Variants in CXCL3 observed in about 807,000 individuals in gnomAD.
CXCL3 encodes C-X-C motif chemokine ligand 3.
In CXCL3, 10 loss-of-function variants were observed where a neutral mutation model predicts 11.5. The ratio of observed to expected loss-of-function variants is 0.87; its 90% CI spans 0.54 to 1.48. The LOEUF is 1.48. Among genes scored for constraint, CXCL3 ranks in the 40% most tolerant of loss-of-function variants. The pLI is 0.00. For missense variants in CXCL3, 149 were observed against 139.1 expected (o/e 1.07, Z -0.36); for synonymous variants, 61 against 60.9 (o/e 1.00, Z -0.01).
Position 74,038,404 on chromosome 4 carries a change from A to G in CXCL3, c.110T>C (p.Val37Ala), listed in dbSNP as rs764966050. The change falls in exon 2 of 4, where the codon GTG (valine) becomes GCG (alanine). Residue 37 changes from valine (V) to alanine (A), a missense_variant. Physicochemically the swap from Val to Ala is moderately conservative, Grantham distance 64. Transcript: ENST00000296026. Reference protein sequence around the residue: ...AASRRAAGASVVTELRCQCLQ... With the variant: ...AASRRAAGASAVTELRCQCLQ... Reference sequence around the variant, plus strand: ...GCACTGGCAGCGCAGTTCAGTGACCACGGACGCTCCTAGGGAAGAATAGAC... The same window carrying G: ...GCACTGGCAGCGCAGTTCAGTGACCGCGGACGCTCCTAGGGAAGAATAGAC... 1.1e-5 allele frequency: 17 copies of G among 1,614,032 alleles called. No homozygotes were observed. The highest frequency in any genetic ancestry group is 1.4e-5 in the Non-Finnish European group (16 of 1,179,934).
At position 74,038,315 on chromosome 4, in the gene CXCL3, G is replaced by A; in HGVS notation, c.199C>T (p.Pro67Ser). The A allele has an allele frequency of 1.9e-6, 3 of 1,614,084 alleles. No homozygotes were observed. The highest frequency in any genetic ancestry group is 2.5e-6 in the Non-Finnish European group (3 of 1,179,976). The part of the protein sequence containing the change: ...IQSVNVRSPG[P>S]HCAQTEVIAT... ...ATGACTTCGGTTTGGGCGCAGTGGG[G>A]TCCGGGGGACCTTACATTCACACTT... is the stretch of plus-strand genomic sequence containing the variant. Residue 67 changes from proline to serine, a missense_variant, in exon 2 of 4, where the codon CCC becomes TCC. Transcript: ENST00000296026.
chr4:74,036,916 G>C lies in CXCL3; in HGVS notation c.*346C>G. ...CCCCCACCCTCCAGTTCCCCACCCT[G>C]TCATTTATCAAGGTGGCTGACACAT... On this transcript the variant is annotated 3_prime_UTR_variant, in exon 4 of 4. Transcript: ENST00000296026. 4.9e-6 allele frequency: 1 copy of C among 203,686 alleles called. No individual in the cohort carries two copies. 12.6% of individuals were successfully genotyped at this position (203,686 alleles called of 1,614,324 possible).
chr4:74,037,342 T>C, intron 3 of CXCL3, 65 bp from the exon 4 acceptor site: 1 of 1,603,518 alleles, frequency 6.2e-7, no homozygotes, highest in Non-Finnish European at 8.5e-7. Flanking sequence ...CACTCTGAAG[T>C]TGCTTGGAGG....
rs1304159349 is a variant in CXCL3 at position 74,037,579 on chromosome 4, G to T, written c.309-302C>A. ...GTCCATTCATGATCTCCCTTAAGCT[G>T]CACACAACCCTATGAAATAACTACC... is the stretch of plus-strand genomic sequence containing the variant. On this transcript the variant is annotated intron_variant, in intron 3 of 3. Coordinates refer to ENST00000296026, the MANE Select transcript of CXCL3 (RefSeq NM_002090.3). The T allele has an allele frequency of 1.5e-5, 6 of 391,176 alleles. No homozygotes were observed. The East Asian group carries it at 3.0e-4, about 20-fold the overall frequency. 24.2% of individuals were successfully genotyped at this position (391,176 alleles called of 1,614,324 possible).
chr4:74,038,656 G>T lies in CXCL3; in HGVS notation c.-45C>A. 7.2e-7 allele frequency: 1 copy of T among 1,384,250 alleles called. No homozygotes were observed. The highest frequency in any genetic ancestry group is 9.3e-7 in the Non-Finnish European group (1 of 1,076,942). The allele number at this position is 1,384,250 out of a possible 1,614,324, so 85.7% of individuals were successfully genotyped here. The stretch of plus-strand genomic sequence containing the variant: ...GGGAAGCTGTGCGAGAAGCGGGAGA[G>T]CTGGCGGGGAGGTGCCTGCGACCCG... On this transcript the variant is annotated 5_prime_UTR_variant, in exon 1 of 4. Coordinates refer to ENST00000296026, the MANE Select transcript of CXCL3 (RefSeq NM_002090.3).
chr4:74,038,380 C>T lies in CXCL3; in HGVS notation c.134G>A (p.Cys45Tyr), dbSNP rs992907491. The T allele has an allele frequency of 6.2e-7, 1 of 1,614,088 alleles. No homozygotes were observed. Among genetic ancestry groups the T allele is most frequent in the African/African-American group, 1.3e-5 (1 of 74,950 alleles). The change falls in exon 2 of 4, where the codon TGC becomes TAC. Residue 45 changes from cysteine to tyrosine, a missense_variant. By Grantham distance (194) the Cys-to-Tyr change is radical. Coordinates refer to ENST00000296026, the MANE Select transcript of CXCL3 (RefSeq NM_002090.3). The stretch of plus-strand genomic sequence containing the variant: ...GTGAATTCCCTGCAGTGTCTGCAAG[C>T]ACTGGCAGCGCAGTTCAGTGACCAC... ...ASVVTELRCQCLQTLQGIHLK... is the reference protein window; with the variant it reads ...ASVVTELRCQYLQTLQGIHLK...
intron 3 of CXCL3, 123 bp from the exon 4 acceptor site, chr4:74,037,400 T>G: frequency 5.2e-6 from 6 of 1,159,702 alleles, no homozygotes; most frequent in Non-Finnish European, 7.6e-6. Flanking sequence ...AGGGAAGGTC[T>G]GTCTGTACCC....
At position 74,038,140 on chromosome 4, in the gene CXCL3, G is replaced by A; in HGVS notation, c.261C>T (p.Asn87=). The A allele has an allele frequency of 1.9e-6, 3 of 1,614,122 alleles. No homozygotes were observed. The highest frequency in any genetic ancestry group is 1.7e-5 in the Admixed American group (1 of 60,008). The change falls in exon 3 of 4, where the codon AAC becomes AAT. Residue 87 remains asparagine, a synonymous_variant. Coordinates refer to ENST00000296026, the MANE Select transcript of CXCL3 (RefSeq NM_002090.3). ...TTTTCTGAACCATGGGGGATGCGGG[G>A]TTGAGACAAGCTTTCTTCCCATTCT... The part of the protein sequence containing the change: ...TLKNGKKACL[N]PASPMVQKII...
chr4:74,038,028 G>T, intron 3 of CXCL3, 65 bp downstream of exon 3: 2 of 1,511,762 alleles, frequency 1.3e-6, no homozygotes, highest in Admixed American at 1.7e-5. Flanking sequence ...TATTTTTAGG[G>T]GGCAGATGCC....
rs992907491 is a variant in CXCL3, at chr4:74,038,380, C to A, written c.134G>T (p.Cys45Phe). The change falls in exon 2 of 4, where the codon TGC (cysteine) becomes TTC (phenylalanine). Residue 45 changes from cysteine (C) to phenylalanine (F), a missense_variant. Coordinates refer to ENST00000296026, the MANE Select transcript of CXCL3 (RefSeq NM_002090.3). ...GTGAATTCCCTGCAGTGTCTGCAAG[C>A]ACTGGCAGCGCAGTTCAGTGACCAC... is the stretch of plus-strand genomic sequence containing the variant. Reference protein sequence around the residue: ...ASVVTELRCQCLQTLQGIHLK... With the variant: ...ASVVTELRCQFLQTLQGIHLK... 2.5e-6 allele frequency: 4 copies of A among 1,614,088 alleles called. No homozygotes were observed. The African/African-American group carries it at 5.3e-5, about 22-fold the overall frequency.
Position 74,037,279 on chromosome 4 carries a change from T to C in CXCL3, c.309-2A>G. 6.2e-7 allele frequency: 1 copy of C among 1,614,036 alleles called. No individual in the cohort carries two copies. The highest frequency in any genetic ancestry group is 8.5e-7 in the Non-Finnish European group (1 of 1,179,930). On this transcript the variant is annotated splice_acceptor_variant, in intron 3 of 3. Coordinates refer to ENST00000296026, the MANE Select transcript of CXCL3 (RefSeq NM_002090.3). LOFTEE classifies it high-confidence loss of function. ...CTCTCCTGTCAGTTGGTGCTCCCCC[T>C]GTGATGAGAAAAGGGTTACTGTTGC...
At chr4:74,037,613 C>T (rs1363936426) in intron 3 of CXCL3, 2 of 331,924 alleles carry the variant, frequency 6.0e-6, no homozygotes, top group Non-Finnish European at 1.1e-5. Context: ...CCATTATCTA[C>T]CCTATTTTGC....
chr4:74,038,408 A>G lies in CXCL3; in HGVS notation c.106T>C (p.Ser36Pro), dbSNP rs977384586. The stretch of plus-strand genomic sequence containing the variant: ...TGGCAGCGCAGTTCAGTGACCACGG[A>G]CGCTCCTAGGGAAGAATAGACTCGC... ...VAASRRAAGASVVTELRCQCL... is the reference protein window; with the variant it reads ...VAASRRAAGAPVVTELRCQCL... Residue 36 changes from serine to proline, a missense_variant, in exon 2 of 4, where the codon TCC (serine) becomes CCC (proline). By Grantham distance (74) the Ser-to-Pro change is moderately conservative. Coordinates refer to ENST00000296026, the MANE Select transcript of CXCL3 (RefSeq NM_002090.3). 1.9e-6 allele frequency: 3 copies of G among 1,613,852 alleles called. No homozygotes were observed. The highest frequency in any genetic ancestry group is 1.3e-5 in the African/African-American group (1 of 74,908).
At position 74,038,500 on chromosome 4, in the gene CXCL3, G is replaced by T. The variant is rs775510991; in HGVS notation, c.100+12C>A. The stretch of plus-strand genomic sequence containing the variant: ...GCGTCCGGCCCGGGGACCCCAGGGC[G>T]CCGGGACCCACCTGCTGCGCGCCGG... On this transcript the variant is annotated intron_variant, in intron 1 of 3. Transcript: ENST00000296026. The T allele has an allele frequency of 2.6e-6, 4 of 1,547,406 alleles. No individual in the cohort carries two copies. Among genetic ancestry groups the T allele is most frequent in the Non-Finnish European group, 3.5e-6 (4 of 1,151,614 alleles).
chr4:74,038,227 G>C, intron 2 of CXCL3, 51 bp from the exon 3 acceptor site: 1 of 1,614,004 alleles, frequency 6.2e-7, no homozygotes, highest in South Asian at 1.1e-5. Flanking sequence ...TGGGGACAGG[G>C]TTGGGGCAGC....
rs1183834460 is a variant in CXCL3, at chr4:74,037,413, T to C, written c.309-136A>G. 9 of 811,896 alleles carry C rather than the reference T, an allele frequency of 1.1e-5. No individual in the cohort carries two copies. In the East Asian group the frequency reaches 1.8e-4, roughly 16 times the overall value. 50.3% of individuals were successfully genotyped at this position (811,896 alleles called of 1,614,324 possible). On this transcript the variant is annotated intron_variant, in intron 3 of 3. Transcript: ENST00000296026. Reference sequence around the variant, plus strand: ...TCAGGGAAGGTCTGTCTGTACCCACTGCCTTCTATAGCAGAAAACTTGCAC... The same window carrying C: ...TCAGGGAAGGTCTGTCTGTACCCACCGCCTTCTATAGCAGAAAACTTGCAC...
At position 74,036,915 on chromosome 4, in the gene CXCL3, T is replaced by A; in HGVS notation, c.*347A>T. The A allele has an allele frequency of 1.5e-5, 3 of 198,414 alleles. No homozygotes were observed. The highest frequency in any genetic ancestry group is 2.3e-5 in the African/African-American group (1 of 42,980). 12.3% of individuals were successfully genotyped at this position (198,414 alleles called of 1,614,324 possible). A position where few individuals can be genotyped will look rare whatever the true frequency, so the allele number is the denominator to read the frequency against. Reference sequence around the variant, plus strand: ...CCCCCCACCCTCCAGTTCCCCACCCTGTCATTTATCAAGGTGGCTGACACA... The same window carrying A: ...CCCCCCACCCTCCAGTTCCCCACCCAGTCATTTATCAAGGTGGCTGACACA... On this transcript the variant is annotated 3_prime_UTR_variant, in exon 4 of 4. Transcript: ENST00000296026.
At chr4:74,037,754 T>G (rs944043221) in intron 3 of CXCL3, 1 of 317,406 alleles carries the variant, frequency 3.2e-6, no homozygotes, top group African/African-American at 2.2e-5. Flanking sequence ...GACATTGCAT[T>G]TTTCAGGTCT....
chr4:74,037,305 A>G (rs902674688), intron 3 of CXCL3, 28 bp from the exon 4 acceptor site: 2 of 1,613,758 alleles, frequency 1.2e-6, no homozygotes, highest in African/African-American at 1.3e-5. Context: ...TTACTGTTGC[A>G]GGTGCTAAGG....
Sources: allele counts gnomAD v4.1 joint callset, GRCh38; gene constraint gnomAD v4.1.1; transcripts MANE v1.5; gene names NCBI Gene and HGNC (gene_info 2026-07-23, HGNC 2026-07-21).